SLC35F4: variants seen among roughly 807,000 people sequenced by gnomAD.
SLC35F4 encodes chromosome 14 open reading frame 36.
A neutral mutation model predicts 44.2 loss-of-function variants in SLC35F4; 24 were observed. The observed-to-expected ratio is 0.54, with a 90% CI of 0.39 to 0.76. SLC35F4 has a LOEUF of 0.76. SLC35F4 is among the 30% of genes least tolerant of loss of function. SLC35F4 has a pLI of 0.00. For synonymous variants in SLC35F4, 238 were observed against 223.6 expected (o/e 1.06, Z -0.57); for missense variants, 562 against 586.1 (o/e 0.96, Z 0.42).
intron 1 of SLC35F4, among the ~76,000 whole-genome samples, chr14:57,633,140 A>G (rs2072865264): frequency 6.6e-6 from 1 of 152,172 alleles, no homozygotes; most frequent in South Asian, 2.1e-4. Flanking sequence ...CTACTAGAGG[A>G]TATCTCGATT....
chr14:57,591,876 T>C (rs1030067854), intron 2 of SLC35F4, among the ~76,000 whole-genome samples: 4 of 152,230 alleles, frequency 2.6e-5, no homozygotes, highest in South Asian at 4.1e-4. Context: ...TGAGGCAATA[T>C]CTGCCTTTAC....
At chr14:57,644,185 A>G (rs1335290945) in intron 1 of SLC35F4, among the ~76,000 whole-genome samples, 2 of 152,210 alleles carry the variant, frequency 1.3e-5, no homozygotes. Flanking sequence ...TCCCTGAGGA[A>G]TCGCCACACT....
intron 1 of SLC35F4, among the ~76,000 whole-genome samples, chr14:57,839,086 A>G (rs558658329): frequency 6.6e-6 from 1 of 152,306 alleles, no homozygotes; most frequent in East Asian, 1.9e-4. Flanking sequence ...GGATACCTAC[A>G]TGCAAAAGAC....
chr14:57,615,649 T>C (rs1457585795), intron 1 of SLC35F4, among the ~76,000 whole-genome samples: 2 of 151,968 alleles, frequency 1.3e-5, no homozygotes, highest in Non-Finnish European at 2.9e-5. Flanking sequence ...TAATCTTCAT[T>C]GTCAACTACT....
chr14:57,895,238 C>G (rs1367635934), intron 1 of SLC35F4, among the ~76,000 whole-genome samples: 3 of 152,080 alleles, frequency 2.0e-5, no homozygotes, highest in African/African-American at 7.2e-5. Flanking sequence ...CTCTTACTGG[C>G]CAAGCACTTG....
chr14:57,940,134 G>C (rs1372163610), intron 1 of SLC35F4, among the ~76,000 whole-genome samples: 1 of 152,122 alleles, frequency 6.6e-6, no homozygotes, highest in Admixed American at 6.6e-5. Flanking sequence ...GTTAGGAAAG[G>C]GTGTGAATAG....
intron 1 of SLC35F4, among the ~76,000 whole-genome samples, chr14:57,718,446 A>G (rs2104253): frequency 0.4 from 60,269 of 152,016 alleles, 11,975 homozygotes; most frequent in Middle Eastern, 0.42. Context: ...GGTTGTACCA[A>G]TTTATATTCT....
At chr14:57,982,363 C>T (rs1881406039), upstream of SLC35F4, among the ~76,000 whole-genome samples, 2 of 152,186 alleles carry the variant, frequency 1.3e-5, no homozygotes, top group African/African-American at 2.4e-5. Flanking sequence ...CTGAAAAGTA[C>T]ACACTCATCA....
chr14:57,674,676 AC>A (rs2140283077), intron 1 of SLC35F4, among the ~76,000 whole-genome samples: 1 of 152,198 alleles, frequency 6.6e-6, no homozygotes, highest in African/African-American at 2.4e-5. Flanking sequence ...TTAGTCTGCC[AC>A]CTTTTTATGG....
At chr14:57,617,084 G>A (rs1703456) in intron 1 of SLC35F4, among the ~76,000 whole-genome samples, 90,920 of 149,168 alleles carry the variant, frequency 0.61, 30,029 homozygotes, top group Non-Finnish European at 0.74. Flanking sequence ...CCATTCATAG[G>A]GAAACCCCAT....
chr14:57,936,710 A>G (rs1889802730), intron 1 of SLC35F4, among the ~76,000 whole-genome samples: 1 of 138,188 alleles, frequency 7.2e-6, no homozygotes, highest in African/African-American at 3.4e-5. Context: ...GAAAGTCTGC[A>G]CTAGACTCAG....
chr14:57,611,829 T>C (rs1225411900), intron 1 of SLC35F4, among the ~76,000 whole-genome samples: 1 of 152,104 alleles, frequency 6.6e-6, no homozygotes, highest in Non-Finnish European at 1.5e-5. Flanking sequence ...TCAAGATACA[T>C]GGGAGAGTTC....
intron 1 of SLC35F4, among the ~76,000 whole-genome samples, chr14:57,614,338 T>C (rs1405298958): frequency 1.3e-5 from 2 of 152,240 alleles, no homozygotes; most frequent in Non-Finnish European, 2.9e-5. Flanking sequence ...GAAATTTCTG[T>C]GTATTTCCAA....
chr14:57,759,457 G>A (rs917051760), intron 1 of SLC35F4, among the ~76,000 whole-genome samples: 5 of 152,122 alleles, frequency 3.3e-5, no homozygotes, highest in African/African-American at 7.2e-5. Flanking sequence ...GTGCATGCCT[G>A]TGATCCCAGC....
At chr14:57,654,371 C>G (rs2073890855) in intron 1 of SLC35F4, among the ~76,000 whole-genome samples, 1 of 152,188 alleles carries the variant, frequency 6.6e-6, no homozygotes, top group Admixed American at 6.5e-5. Context: ...AGTTACTTCA[C>G]TTAGAATAAT....
intron 1 of SLC35F4, among the ~76,000 whole-genome samples, chr14:57,834,195 C>T (rs1436701735): frequency 6.6e-6 from 1 of 152,142 alleles, no homozygotes; most frequent in Non-Finnish European, 1.5e-5. Flanking sequence ...ATGTCAACAC[C>T]AAAAGGACTG....
chr14:57,617,157 G>A (rs1303893216), intron 1 of SLC35F4, among the ~76,000 whole-genome samples: 1 of 58,240 alleles, frequency 1.7e-5, no homozygotes, highest in Non-Finnish European at 3.9e-5. Flanking sequence ...TTGAGACAGA[G>A]TCTCGCTCTG....
At chr14:57,680,612 A>C (rs1325266121) in intron 1 of SLC35F4, among the ~76,000 whole-genome samples, 3 of 152,142 alleles carry the variant, frequency 2.0e-5, no homozygotes, top group African/African-American at 7.3e-5. Flanking sequence ...CTGTATATTT[A>C]GAAAACCCCA....
At chr14:57,781,090 T>C (rs2140743454) in intron 1 of SLC35F4, among the ~76,000 whole-genome samples, 1 of 152,228 alleles carries the variant, frequency 6.6e-6, no homozygotes, top group South Asian at 2.1e-4. Context: ...ACTAAAGAGC[T>C]TCTGCACAGC....
Sources: allele counts gnomAD v4.1 joint callset (sites outside exome capture counted in the v4.1 genomes callset), GRCh38; gene constraint gnomAD v4.1.1; transcripts MANE v1.5; gene names NCBI Gene and HGNC (gene_info 2026-07-23, HGNC 2026-07-21).